The following PDGFRL variants were observed in gnomAD, a reference collection of about 807,000 sequenced individuals.
The protein encoded by PDGFRL is platelet-derived growth factor receptor-like protein.
PDGFRL carries 46 observed loss-of-function variants against 37.2 expected under a neutral mutation model. That is an observed-to-expected ratio of 1.24 (90% CI 0.98 to 1.58). The LOEUF is 1.58. PDGFRL is among the 40% of genes most tolerant of loss of function. The pLI is 0.00. For synonymous variants in PDGFRL, 251 were observed against 184.3 expected, an observed-to-expected ratio of 1.36 and a Z score of -2.93; for missense variants, 692 against 467.6, an observed-to-expected ratio of 1.48 and a Z score of -4.43.
At chr8:17,598,325 T>C (rs1055306706) in intron 2 of PDGFRL, among the ~76,000 whole-genome samples, 6 of 152,228 alleles carry the variant, frequency 3.9e-5, no homozygotes, top group African/African-American at 1.2e-4. Context: ...TTTATTTAAT[T>C]GATTACTTCT....
chr8:17,642,392 C>A lies in PDGFRL; in HGVS notation c.940-221C>A, dbSNP rs180972699. ...AGAAGAAAAGGGCAGAAAGACAGTG[C>A]CAAACAACGTAATGAAATTCAAGGG... On this transcript the variant is annotated intron_variant, in intron 5 of 5. Coordinates refer to ENST00000251630, the MANE Select transcript of PDGFRL (RefSeq NM_001372073.1). 1.1e-4 allele frequency among the ~76,000 whole-genome samples: 16 copies of A among 152,308 alleles called. No homozygotes were observed. The East Asian group carries it at 2.9e-3, about 28-fold the overall frequency.
At chr8:17,608,001 G>C (rs1804319383) in intron 2 of PDGFRL, among the ~76,000 whole-genome samples, 1 of 152,248 alleles carries the variant, frequency 6.6e-6, no homozygotes. Context: ...CAGGTGGGCA[G>C]CTGCTAAGTT....
chr8:17,600,631 T>G (rs1804146721), intron 2 of PDGFRL, among the ~76,000 whole-genome samples: 1 of 139,516 alleles, frequency 7.2e-6, no homozygotes, highest in African/African-American at 2.9e-5. Flanking sequence ...AAGACCCCCA[T>G]CTCTAAAAAA....
intron 1 of PDGFRL, among the ~76,000 whole-genome samples, chr8:17,580,123 T>C (rs1803674624): frequency 6.6e-6 from 1 of 152,154 alleles, no homozygotes; most frequent in African/African-American, 2.4e-5. Flanking sequence ...ATGAGATCCT[T>C]GATCCATGCT....
chr8:17,621,290 A>G, intron 3 of PDGFRL, 88 bp downstream of exon 3: 3 of 790,180 alleles, frequency 3.8e-6, no homozygotes, highest in Non-Finnish European at 6.0e-6. Context: ...CTGAATAGCA[A>G]ATAATGACAA....
chr8:17,621,406 T>G (rs989155921), intron 3 of PDGFRL, among the ~76,000 whole-genome samples: 5 of 100,192 alleles, frequency 5.0e-5, no homozygotes, highest in Non-Finnish European at 7.4e-5. Flanking sequence ...ATTATTCCTG[T>G]TTTTTTTTTT....
At chr8:17,606,832 C>G (rs1427203463) in intron 2 of PDGFRL, among the ~76,000 whole-genome samples, 1 of 151,714 alleles carries the variant, frequency 6.6e-6, no homozygotes, top group Admixed American at 6.6e-5. Context: ...TTCTGTTCAC[C>G]ATACTGTACC....
At chr8:17,632,794 A>C (rs1431561299) in intron 4 of PDGFRL, among the ~76,000 whole-genome samples, 2 of 146,698 alleles carry the variant, frequency 1.4e-5, no homozygotes, top group Non-Finnish European at 1.5e-5. Context: ...GCCCTCCTCC[A>C]CTCCGCCACT....
chr8:17,610,408 T>C (rs7824179), intron 2 of PDGFRL, among the ~76,000 whole-genome samples: 26,840 of 152,188 alleles, frequency 0.18, 2,508 homozygotes, highest in South Asian at 0.33. Context: ...AGGAAATGCT[T>C]ACTGGAGCAT....
intron 2 of PDGFRL, among the ~76,000 whole-genome samples, chr8:17,592,876 G>T (rs1803969758): frequency 6.6e-6 from 1 of 151,712 alleles, no homozygotes; most frequent in Admixed American, 6.6e-5. Context: ...TGACTGACAA[G>T]CCTCCCTGAT....
intron 2 of PDGFRL, among the ~76,000 whole-genome samples, chr8:17,595,484 C>T (rs550350777): frequency 4.7e-4 from 71 of 152,322 alleles, no homozygotes; most frequent in African/African-American, 1.6e-3. Flanking sequence ...AGCTCTGGCC[C>T]CAACTTTCTG....
At chr8:17,611,993 T>G (rs748905890) in intron 2 of PDGFRL, among the ~76,000 whole-genome samples, 5 of 152,050 alleles carry the variant, frequency 3.3e-5, no homozygotes, top group Non-Finnish European at 5.9e-5. Flanking sequence ...TGGGTTAAAC[T>G]CCAGGGGAGG....
At position 17,638,773 on chromosome 8, in the gene PDGFRL, AT is replaced by A. The variant is rs1563532502; in HGVS notation, c.940-3839del. 1.9e-3 allele frequency among the ~76,000 whole-genome samples: 180 copies of A among 93,904 alleles called. 7 individuals are homozygous for A. The highest frequency in any genetic ancestry group is 9.2e-3 in the South Asian group (31 of 3,376). 61.6% of individuals were successfully genotyped at this position (93,904 alleles called of 152,430 possible). A position where few individuals can be genotyped will look rare whatever the true frequency, so the allele number is the denominator to read the frequency against. The stretch of plus-strand genomic sequence containing the variant: ...TATATATATATATATATATATATAT[AT>A]ATATATATATATAATTGTGATATTT... On this transcript the variant is annotated intron_variant, in intron 5 of 5. Coordinates refer to ENST00000251630, the MANE Select transcript of PDGFRL (RefSeq NM_001372073.1).
chr8:17,630,180 C>G (rs1434942157), intron 4 of PDGFRL, among the ~76,000 whole-genome samples: 1 of 152,126 alleles, frequency 6.6e-6, no homozygotes, highest in Non-Finnish European at 1.5e-5. Flanking sequence ...TCTGTTTTCC[C>G]CAATGTGCAC....
chr8:17,600,521 GC>G (rs1258250756), intron 2 of PDGFRL, among the ~76,000 whole-genome samples: 2 of 152,034 alleles, frequency 1.3e-5, no homozygotes, highest in Admixed American at 1.3e-4. Flanking sequence ...TCTTTCATGA[GC>G]TTTTATTTAC....
At chr8:17,622,022 C>G (rs1282922506) in intron 3 of PDGFRL, among the ~76,000 whole-genome samples, 1 of 152,082 alleles carries the variant, frequency 6.6e-6, no homozygotes, top group Non-Finnish European at 1.5e-5. Context: ...GGCAAGATTC[C>G]CAAAGATTGT....
rs78885864 is a variant in PDGFRL, at chr8:17,629,972, G to A, written c.799+1192G>A. The stretch of plus-strand genomic sequence containing the variant: ...AGTACTCACTACCCACACCCGGCAC[G>A]CCCTCCTCTCTGTACTCCCCTCTCC... On this transcript the variant is annotated intron_variant, in intron 4 of 5. Transcript: ENST00000251630. Among the ~76,000 whole-genome samples the A allele has an allele frequency of 4.7e-3, 711 of 152,098 alleles. 3 individuals carry two copies. The highest frequency in any genetic ancestry group is 0.016 in the African/African-American group (674 of 41,498).
At chr8:17,631,544 C>T (rs932514320) in intron 4 of PDGFRL, among the ~76,000 whole-genome samples, 4 of 151,946 alleles carry the variant, frequency 2.6e-5, no homozygotes, top group Non-Finnish European at 4.4e-5. Flanking sequence ...TTGCTGAGCC[C>T]ACCACTCTTC....
intron 1 of PDGFRL, among the ~76,000 whole-genome samples, chr8:17,588,803 TAAAC>T (rs941306233): frequency 3.3e-5 from 5 of 152,170 alleles, no homozygotes. Context: ...GACTGCAAAG[TAAAC>T]AAACAGCCTT....
Sources: allele counts gnomAD v4.1 joint callset (sites outside exome capture counted in the v4.1 genomes callset), GRCh38; gene constraint gnomAD v4.1.1; transcripts MANE v1.5; gene names NCBI Gene and HGNC (gene_info 2026-07-23, HGNC 2026-07-21).